Variants in STOML3 observed in about 807,000 individuals in gnomAD.
STOML3 encodes stomatin-like protein 3.
STOML3 carries 31 observed loss-of-function variants against 29.5 expected under a neutral mutation model. The ratio of observed to expected loss-of-function variants is 1.05; its 90% CI spans 0.79 to 1.42. The LOEUF is 1.42. Ranked by LOEUF, STOML3 falls within the 40% of genes most tolerant of loss-of-function variation. The pLI is 0.00. For synonymous variants in STOML3, 122 were observed against 139.8 expected (o/e 0.87, Z 0.90); for missense variants, 380 against 363.0 (o/e 1.05, Z -0.38).
In STOML3 at chr13:38,968,243, T is replaced by A. The variant is rs570928966; in HGVS notation, c.651+157A>T. Among the ~76,000 whole-genome samples the A allele has an allele frequency of 5.9e-5, 9 of 152,296 alleles. No individual in the cohort carries two copies. In the East Asian group the frequency reaches 1.5e-3, roughly 26 times the overall value. On this transcript the variant is annotated intron_variant, in intron 6 of 6. Transcript: ENST00000379631. ...CCTCAAGGTACAGTAAGCTGCTGGT[T>A]ACCTTTTAATTCAGGGAAAATTCTC...
intron 3 of STOML3, 23 bp downstream of exon 3, chr13:38,976,517 G>T (rs770731822): frequency 8.1e-6 from 13 of 1,613,432 alleles, no homozygotes; most frequent in Admixed American, 1.7e-5. Context: ...ATCTTTCAGG[G>T]GCAGCCACCG....
In STOML3 at chr13:38,980,951, T is replaced by G. The variant is rs147644413; in HGVS notation, c.53-4154A>C. Among the ~76,000 whole-genome samples the G allele has an allele frequency of 3.0e-3, 451 of 152,304 alleles. 2 individuals are homozygous for G. The highest frequency in any genetic ancestry group is 0.01 in the African/African-American group (435 of 41,550). ...TGCAGCTGGTGAAATATGTGGAGAC[T>G]TCCCCCTGTGTGTGGCTGTGACAAC... On this transcript the variant is annotated intron_variant, in intron 1 of 6. Coordinates refer to ENST00000379631, the MANE Select transcript of STOML3 (RefSeq NM_145286.3).
chr13:38,988,719 A>G (rs1239603046), intron 1 of STOML3, among the ~76,000 whole-genome samples: 1 of 140,734 alleles, frequency 7.1e-6, no homozygotes, highest in African/African-American at 2.6e-5. Flanking sequence ...TGAAAAAATA[A>G]GTGACAACTG....
chr13:38,988,162 T>C lies in STOML3; in HGVS notation c.52+2508A>G, dbSNP rs866499796. Among the ~76,000 whole-genome samples, 275 of 96,342 alleles carry C rather than the reference T, an allele frequency of 2.9e-3. 17 individuals are homozygous for C. Among genetic ancestry groups the C allele is most frequent in the African/African-American group, 0.012 (257 of 21,574 alleles). The allele number at this position is 96,342 out of a possible 152,430, so 63.2% of individuals were successfully genotyped here. ...CATATATTTTATATCATATATTTTA[T>C]ATATAATATATTATATTTTATATAA... On this transcript the variant is annotated intron_variant, in intron 1 of 6. Coordinates refer to ENST00000379631, the MANE Select transcript of STOML3 (RefSeq NM_145286.3).
chr13:38,966,655 CT>C lies in STOML3; in HGVS notation c.*169del, dbSNP rs1316697053. Reference sequence around the variant, plus strand: ...GTAATATACAGGTCTCATTTTTGCTCTTTTTTTCTTCTCTGTATAGCCTCTA... The same window carrying C: ...GTAATATACAGGTCTCATTTTTGCTCTTTTTTCTTCTCTGTATAGCCTCTA... On this transcript the variant is annotated 3_prime_UTR_variant, in exon 7 of 7. Coordinates refer to ENST00000379631, the MANE Select transcript of STOML3 (RefSeq NM_145286.3). The C allele has an allele frequency of 1.8e-6, 1 of 561,108 alleles. No homozygotes were observed. Among genetic ancestry groups the C allele is most frequent in the Non-Finnish European group, 3.1e-6 (1 of 321,140 alleles). The allele number at this position is 561,108 out of a possible 1,614,324, so 34.8% of individuals were successfully genotyped here.
At position 38,966,040 on chromosome 13, in the gene STOML3, T is replaced by A. The variant is rs1593494364; in HGVS notation, c.*785A>T. 6.6e-6 allele frequency: 1 copy of A among 152,346 alleles called. No homozygotes were observed. The highest frequency in any genetic ancestry group is 2.4e-5 in the African/African-American group (1 of 41,578). The allele number at this position is 152,346 out of a possible 1,614,324, so 9.4% of individuals were successfully genotyped here. ...AACATTCTCGATTACCTGTGGCTCC[T>A]GGGACTAAGAACAGAGTGAAAACAT... On this transcript the variant is annotated 3_prime_UTR_variant, in exon 7 of 7. Coordinates refer to ENST00000379631, the MANE Select transcript of STOML3 (RefSeq NM_145286.3).
At chr13:38,988,167 A>G (rs1364359130) in intron 1 of STOML3, among the ~76,000 whole-genome samples, 2 of 90,100 alleles carry the variant, frequency 2.2e-5, no homozygotes, top group Admixed American at 1.9e-4. Context: ...TTTTATATAT[A>G]ATATATTATA....
At chr13:38,987,992 T>C (rs1351551994) in intron 1 of STOML3, among the ~76,000 whole-genome samples, 1 of 102,288 alleles carries the variant, frequency 9.8e-6, no homozygotes, top group Non-Finnish European at 1.8e-5. Context: ...TATAATATAT[T>C]ATATTTTATA....
intron 5 of STOML3, 84 bp downstream of exon 5, chr13:38,970,101 C>T: frequency 1.5e-6 from 2 of 1,318,370 alleles, no homozygotes; most frequent in Non-Finnish European, 2.1e-6. Flanking sequence ...GTGGGGGATG[C>T]TTTGAACTGC....
Position 38,986,035 on chromosome 13 carries a change from GTT to G in STOML3, c.52+4633_52+4634del, listed in dbSNP as rs371208112. Among the ~76,000 whole-genome samples, 118 of 70,668 alleles carry G rather than the reference GTT, an allele frequency of 1.7e-3. 1 individual carries two copies. The highest frequency in any genetic ancestry group is 5.5e-3 in the South Asian group (9 of 1,622). 46.4% of individuals were successfully genotyped at this position (70,668 alleles called of 152,430 possible). A position where few individuals can be genotyped will look rare whatever the true frequency, so the allele number is the denominator to read the frequency against. Reference sequence around the variant, plus strand: ...AAGTTTTCTTTGACATATTTACCTGGTTTTTTTTTTTTTTTTTTTTGGTTTGT... The same window carrying G: ...AAGTTTTCTTTGACATATTTACCTGGTTTTTTTTTTTTTTTTTTGGTTTGT... On this transcript the variant is annotated intron_variant, in intron 1 of 6. Transcript: ENST00000379631.
In STOML3 at chr13:38,990,736, GC is replaced by G; in HGVS notation, c.-16del. 1.2e-6 allele frequency: 2 copies of G among 1,613,300 alleles called. No individual in the cohort carries two copies. Among genetic ancestry groups the G allele is most frequent in the Middle Eastern group, 1.7e-4 (1 of 6,058 alleles). ...CTAGAATCCATCTCATTCTTGAGAA[GC>G]TTTTATACTTGGCAATTTTTCATGG... is the stretch of plus-strand genomic sequence containing the variant. On this transcript the variant is annotated 5_prime_UTR_variant, in exon 1 of 7. Coordinates refer to ENST00000379631, the MANE Select transcript of STOML3 (RefSeq NM_145286.3).
rs1350146624 is a variant in STOML3, at chr13:38,980,203, C to T, written c.53-3406G>A. On this transcript the variant is annotated intron_variant, in intron 1 of 6. Transcript: ENST00000379631. Reference sequence around the variant, plus strand: ...TTTACACTGGAGCATTAGAATCACCCAGGCCGCGGCTTCTGGGAGAATTGG... The same window carrying T: ...TTTACACTGGAGCATTAGAATCACCTAGGCCGCGGCTTCTGGGAGAATTGG... 2.8e-5 allele frequency: 40 copies of T among 1,449,282 alleles called. No individual in the cohort carries two copies. The East Asian group carries it at 1.0e-3, about 36-fold the overall frequency. 89.8% of individuals were successfully genotyped at this position (1,449,282 alleles called of 1,614,324 possible). A position where few individuals can be genotyped will look rare whatever the true frequency, so the allele number is the denominator to read the frequency against.
intron 3 of STOML3, among the ~76,000 whole-genome samples, chr13:38,973,125 A>AC (rs1880946204): frequency 6.7e-6 from 1 of 149,054 alleles, no homozygotes; most frequent in Non-Finnish European, 1.5e-5. Context: ...AAAAAAAAAA[A>AC]AAAAAAATTA....
In STOML3 at chr13:38,966,723, G is replaced by C; in HGVS notation, c.*102C>G. On this transcript the variant is annotated 3_prime_UTR_variant, in exon 7 of 7. Transcript: ENST00000379631. ...ATGCTCTTCCATCTATGGAGTTACT[G>C]TTACATGAACAGTGTTGGAATTCTC... The C allele has an allele frequency of 1.0e-6, 1 of 973,422 alleles. No individual in the cohort carries two copies. Among genetic ancestry groups the C allele is most frequent in the South Asian group, 1.5e-5 (1 of 66,400 alleles). 60.3% of individuals were successfully genotyped at this position (973,422 alleles called of 1,614,324 possible).
At chr13:38,967,636 G>A (rs1457183341) in intron 6 of STOML3, among the ~76,000 whole-genome samples, 1 of 152,086 alleles carries the variant, frequency 6.6e-6, no homozygotes, top group African/African-American at 2.4e-5. Context: ...CCTCATCTGT[G>A]GCCATCTGCC....
chr13:38,987,893 A>G (rs1868672808), intron 1 of STOML3, among the ~76,000 whole-genome samples: 1 of 70,202 alleles, frequency 1.4e-5, no homozygotes, highest in Non-Finnish European at 2.1e-5. Context: ...TATATAATAT[A>G]TTATGTTATA....
rs372146565 is a variant in STOML3, at chr13:38,970,192, C to T, written c.509G>A (p.Ser170Asn). The change falls in exon 5 of 7, where the codon AGC becomes AAC. Residue 170 changes from serine to asparagine, a missense_variant. By Grantham distance (46) the Ser-to-Asn change is conservative. Transcript: ENST00000379631. The part of the protein sequence containing the change: ...ILAGREEIAH[S>N]IQTLLDDATE... ...AGTTCATGGTGTCTTTACCTGGATGCTATGGGCGATCTCTTCTCGTCCAGC... is the reference window on the plus strand; with the variant it reads ...AGTTCATGGTGTCTTTACCTGGATGTTATGGGCGATCTCTTCTCGTCCAGC... The T allele has an allele frequency of 3.0e-4, 484 of 1,612,278 alleles. No homozygotes were observed. The highest frequency in any genetic ancestry group is 4.1e-4 in the Non-Finnish European group (480 of 1,178,914).
At chr13:38,978,220 C>A (rs1028854004) in intron 1 of STOML3, among the ~76,000 whole-genome samples, 1 of 152,056 alleles carries the variant, frequency 6.6e-6, no homozygotes, top group African/African-American at 2.4e-5. Flanking sequence ...GTGGCGCAAT[C>A]TCGGCTCACT....
intron 3 of STOML3, among the ~76,000 whole-genome samples, chr13:38,975,264 T>C (rs987908565): frequency 6.7e-6 from 1 of 149,636 alleles, no homozygotes; most frequent in Non-Finnish European, 1.5e-5. Context: ...GAGGTTGCAG[T>C]GAGCCGAGAT....
Sources: allele counts gnomAD v4.1 joint callset (sites outside exome capture counted in the v4.1 genomes callset), GRCh38; gene constraint gnomAD v4.1.1; transcripts MANE v1.5; gene names NCBI Gene and HGNC (gene_info 2026-07-23, HGNC 2026-07-21).